The following ZNF804B variants were observed in gnomAD, a reference collection of about 807,000 sequenced individuals.
ZNF804B encodes the protein zinc finger protein 804B.
Under a neutral mutation model 101.4 loss-of-function variants are expected in ZNF804B, and 80 were observed. The observed-to-expected ratio is 0.79, with a 90% CI of 0.66 to 0.95. The LOEUF is 0.95. Ranked by LOEUF, ZNF804B falls within the 40% of genes least tolerant of loss-of-function variation. The probability of loss-of-function intolerance (pLI) is 0.00; values close to 1 mark genes in which losing one functional copy is unlikely to be tolerated. For synonymous variants in ZNF804B, 622 were observed against 558.8 expected (o/e 1.11, Z -1.59); for missense variants, 1,673 against 1,561.9 (o/e 1.07, Z -1.20).
intron 2 of ZNF804B, among the ~76,000 whole-genome samples, chr7:89,318,410 A>G (rs1448215905): frequency 6.6e-6 from 1 of 152,196 alleles, no homozygotes; most frequent in Non-Finnish European, 1.5e-5. Context: ...GAAAAGATGT[A>G]CCTTTTTACT....
At chr7:89,146,410 A>G (rs1223953774) in intron 1 of ZNF804B, among the ~76,000 whole-genome samples, 1 of 152,108 alleles carries the variant, frequency 6.6e-6, no homozygotes, top group African/African-American at 2.4e-5. Flanking sequence ...AGCCATCTAA[A>G]TGAAATAAAT....
At chr7:88,923,176 A>C (rs1233798274) in intron 1 of ZNF804B, among the ~76,000 whole-genome samples, 1 of 152,074 alleles carries the variant, frequency 6.6e-6, no homozygotes, top group Non-Finnish European at 1.5e-5. Context: ...GACTCACAGC[A>C]TAAAGGGAAA....
intron 1 of ZNF804B, among the ~76,000 whole-genome samples, chr7:88,801,174 C>T (rs1475751352): frequency 6.6e-6 from 1 of 151,814 alleles, no homozygotes; most frequent in Non-Finnish European, 1.5e-5. Flanking sequence ...AAGCCAGTTC[C>T]CAGTCTTACT....
At chr7:88,986,097 A>G (rs1399669433) in intron 1 of ZNF804B, among the ~76,000 whole-genome samples, 1 of 152,138 alleles carries the variant, frequency 6.6e-6, no homozygotes, top group Admixed American at 6.6e-5. Context: ...AAAGGCTTTG[A>G]TGGCCATGAA....
intron 1 of ZNF804B, among the ~76,000 whole-genome samples, chr7:89,154,961 A>G (rs913713457): frequency 6.6e-6 from 1 of 152,058 alleles, no homozygotes; most frequent in African/African-American, 2.4e-5. Flanking sequence ...ATTTCCCATG[A>G]TGCGATTATT....
intron 2 of ZNF804B, among the ~76,000 whole-genome samples, chr7:89,318,425 T>C (rs1790764096): frequency 6.6e-6 from 1 of 152,178 alleles, no homozygotes; most frequent in South Asian, 2.1e-4. Flanking sequence ...TTTACTGGAA[T>C]AGTATTTATG....
chr7:89,147,083 G>GTATA lies in ZNF804B; in HGVS notation c.109-71056_109-71053dup, dbSNP rs147620052. Among the ~76,000 whole-genome samples the GTATA allele has an allele frequency of 7.3e-3, 1,028 of 140,172 alleles. 16 individuals are homozygous for GTATA. Among genetic ancestry groups the GTATA allele is most frequent in the African/African-American group, 0.025 (947 of 38,014 alleles). 92.0% of individuals were successfully genotyped at this position (140,172 alleles called of 152,430 possible). On this transcript the variant is annotated intron_variant, in intron 1 of 3. Transcript: ENST00000333190. ...TTGTATCAAAAAATAGGATAATCAGGTATATATATATATATATATTTAATG... is the reference window on the plus strand; with the variant it reads ...TTGTATCAAAAAATAGGATAATCAGGTATATATATATATATATATATATTTAATG...
At chr7:89,057,824 GA>G (rs1789320252) in intron 1 of ZNF804B, among the ~76,000 whole-genome samples, 1 of 152,114 alleles carries the variant, frequency 6.6e-6, no homozygotes. Context: ...CCCAGATCAA[GA>G]AGTTGATTTC....
At chr7:88,903,039 G>C (rs1792415990) in intron 1 of ZNF804B, among the ~76,000 whole-genome samples, 1 of 152,072 alleles carries the variant, frequency 6.6e-6, no homozygotes, top group South Asian at 2.1e-4. Context: ...TATGGATCCT[G>C]TCAAACAAGT....
At chr7:89,023,791 C>A (rs996185628) in intron 1 of ZNF804B, among the ~76,000 whole-genome samples, 4 of 152,174 alleles carry the variant, frequency 2.6e-5, no homozygotes, top group African/African-American at 9.6e-5. Context: ...ATTTTAGCTG[C>A]TCTTTCCTGT....
intron 1 of ZNF804B, among the ~76,000 whole-genome samples, chr7:89,053,820 A>G (rs959039721): frequency 1.3e-5 from 2 of 152,062 alleles, no homozygotes; most frequent in African/African-American, 4.8e-5. Context: ...GATACTTTGT[A>G]TTGAAGAGAG....
At chr7:89,201,747 G>A (rs908159290) in intron 1 of ZNF804B, among the ~76,000 whole-genome samples, 1 of 151,944 alleles carries the variant, frequency 6.6e-6, no homozygotes, top group Non-Finnish European at 1.5e-5. Flanking sequence ...ATTACCAAAT[G>A]TAGGTTTATT....
chr7:89,164,869 A>G (rs1349699933), intron 1 of ZNF804B, among the ~76,000 whole-genome samples: 2 of 152,102 alleles, frequency 1.3e-5, no homozygotes, highest in East Asian at 3.9e-4. Flanking sequence ...AAGGATAATA[A>G]TAGCACAAAT....
chr7:89,053,695 G>A (rs931577978), intron 1 of ZNF804B, among the ~76,000 whole-genome samples: 1 of 149,612 alleles, frequency 6.7e-6, no homozygotes, highest in Non-Finnish European at 1.5e-5. Context: ...TCCTTCAATC[G>A]CTTTTCTTCT....
chr7:89,314,614 A>G (rs1353166428), intron 2 of ZNF804B, among the ~76,000 whole-genome samples: 2 of 152,174 alleles, frequency 1.3e-5, no homozygotes, highest in Non-Finnish European at 2.9e-5. Flanking sequence ...TACTTTTCCA[A>G]ACTTAAATAA....
At chr7:88,874,653 C>G (rs972645751) in intron 1 of ZNF804B, among the ~76,000 whole-genome samples, 14 of 151,990 alleles carry the variant, frequency 9.2e-5, no homozygotes, top group Admixed American at 2.0e-4. Context: ...CCATCAATAC[C>G]TAATTTATTG....
At chr7:89,328,954 G>GTGA (rs907044623) in intron 3 of ZNF804B, among the ~76,000 whole-genome samples, 1 of 151,732 alleles carries the variant, frequency 6.6e-6, no homozygotes, top group Admixed American at 6.6e-5. Context: ...CATGGTGATG[G>GTGA]TGATGATGAT....
At chr7:89,116,070 A>AT (rs1333414306) in intron 1 of ZNF804B, among the ~76,000 whole-genome samples, 1 of 35,656 alleles carries the variant, frequency 2.8e-5, no homozygotes, top group African/African-American at 2.4e-4. Context: ...ATGCCCAGTT[A>AT]TTATTTTTTT....
rs182186028 is a variant in ZNF804B, at chr7:89,025,560, A to G, written c.109-192595A>G. On this transcript the variant is annotated intron_variant, in intron 1 of 3. Coordinates refer to ENST00000333190, the MANE Select transcript of ZNF804B (RefSeq NM_181646.5). ...CGTCCCAGAAAAACTTGTTTTTTAA[A>G]AAACAAACTTATTATATGTTATCTG... Among the ~76,000 whole-genome samples the G allele has an allele frequency of 4.3e-4, 65 of 152,286 alleles. 1 individual carries two copies. In the East Asian group the frequency reaches 0.012, roughly 28 times the overall value.
Sources: gnomAD v4.1 joint callset for allele counts (sites outside exome capture counted in the v4.1 genomes callset) on GRCh38, gnomAD v4.1.1 for gene constraint, MANE v1.5 for transcripts, NCBI Gene and HGNC (gene_info 2026-07-23, HGNC 2026-07-21) for gene names.